PCDHGA6: variants seen among roughly 807,000 people sequenced by gnomAD.
PCDHGA6 encodes the protein protocadherin gamma subfamily A, 6.
Under a neutral mutation model 60.6 loss-of-function variants are expected in PCDHGA6, and 41 were observed. That is an observed-to-expected ratio of 0.68 (90% CI 0.53 to 0.88). PCDHGA6 has a LOEUF of 0.88. Among genes scored for constraint, PCDHGA6 ranks in the 40% least tolerant of loss-of-function variants. The probability of loss-of-function intolerance (pLI) is 0.00; values close to 1 mark genes in which losing one functional copy is unlikely to be tolerated. For missense variants in PCDHGA6, 1,312 were observed against 1,203.0 expected (o/e 1.09, Z -1.34); for synonymous variants, 594 against 524.4 (o/e 1.13, Z -1.81).
At chr5:141,388,953 G>A (rs1266765544) in intron 1 of PCDHGA6, 13 of 1,614,022 alleles carry the variant, frequency 8.1e-6, no homozygotes, top group Non-Finnish European at 1.1e-5. Context: ...AATTATGGAG[G>A]ACGCCGAGCT....
intron 1 of PCDHGA6, chr5:141,400,228 C>T: frequency 1.2e-6 from 2 of 1,614,030 alleles, no homozygotes; most frequent in African/African-American, 2.7e-5. Flanking sequence ...GCTCTTCCTC[C>T]TGGCCGTGAT....
chr5:141,446,757 G>A (rs769049265), intron 1 of PCDHGA6, among the ~76,000 whole-genome samples: 10 of 152,158 alleles, frequency 6.6e-5, no homozygotes, highest in African/African-American at 1.4e-4. Context: ...GTGAGCCACC[G>A]CGCCCAGCCG....
intron 2 of PCDHGA6, among the ~76,000 whole-genome samples, chr5:141,504,909 G>C (rs948719729): frequency 6.6e-6 from 1 of 152,002 alleles, no homozygotes; most frequent in Non-Finnish European, 1.5e-5. Context: ...ACTATGACAG[G>C]AAGCCAGGCT....
At chr5:141,455,860 ATTATTTATTTATTTATTTATTTAT>A (rs145569377) in intron 1 of PCDHGA6, among the ~76,000 whole-genome samples, 10 of 139,848 alleles carry the variant, frequency 7.2e-5, no homozygotes, top group Admixed American at 5.1e-4. Flanking sequence ...AATTTCTTTT[ATTATTTATTTATTTATTTATTTAT>A]TTATTTATTT....
chr5:141,383,872 C>T, intron 1 of PCDHGA6: 1 of 1,613,908 alleles, frequency 6.2e-7, no homozygotes, highest in Non-Finnish European at 8.5e-7. Flanking sequence ...TCAAGATGGT[C>T]CTGGTAGTCT....
chr5:141,412,839 G>A, intron 1 of PCDHGA6: 1 of 203,324 alleles, frequency 4.9e-6, no homozygotes, highest in Admixed American at 5.8e-5. Context: ...TTAAAGATAG[G>A]AGTGGAGAAA....
At chr5:141,461,689 A>G (rs2099020485) in intron 1 of PCDHGA6, among the ~76,000 whole-genome samples, 1 of 152,120 alleles carries the variant, frequency 6.6e-6, no homozygotes, top group Admixed American at 6.6e-5. Context: ...GTTTATTTTG[A>G]GACAGAGTTT....
Position 141,375,159 on chromosome 5 carries a change from G to A in PCDHGA6, c.1076G>A (p.Ser359Asn), listed in dbSNP as rs1771191060. 2.5e-6 allele frequency: 4 copies of A among 1,613,862 alleles called. No individual in the cohort carries two copies. The East Asian group carries it at 8.9e-5, about 36-fold the overall frequency. ...TCTGGAAGCAGAACAATTGCTGAAA[G>A]TGCACCTCCAGGAACAGTAATCGCC... ...VTSGSRTIAE[S>N]APPGTVIALF... The change falls in exon 1 of 4, where the codon AGT becomes AAT. Residue 359 changes from serine to asparagine, a missense_variant. Physicochemically the swap from Ser to Asn is conservative, Grantham distance 46. Coordinates refer to ENST00000517434, the MANE Select transcript of PCDHGA6 (RefSeq NM_018919.3).
At chr5:141,505,305 C>T (rs1363643214) in intron 2 of PCDHGA6, 88 bp from the exon 3 acceptor site, 2 of 1,595,104 alleles carry the variant, frequency 1.3e-6, no homozygotes, top group Admixed American at 1.7e-5. Flanking sequence ...GGTTAGGGTA[C>T]TAGGTTTGGG....
Position 141,477,858 on chromosome 5 carries a change from C to T in PCDHGA6, c.2425-16949C>T. 2 of 1,613,572 alleles carry T rather than the reference C, an allele frequency of 1.2e-6. No individual in the cohort carries two copies. Among genetic ancestry groups the T allele is most frequent in the Non-Finnish European group, 1.7e-6 (2 of 1,179,842 alleles). ...GGTGGGAGCTCGGTGGAGATGCTGC[C>T]TCGAGGTACCTCAGCTGGCCACCTA... On this transcript the variant is annotated intron_variant, in intron 1 of 3. Transcript: ENST00000517434. This position sits in a 1 kb window ranked among gnomAD's most constrained non-coding sequence, Gnocchi z 4.9.
At chr5:141,447,837 G>A (rs952923627) in intron 1 of PCDHGA6, among the ~76,000 whole-genome samples, 10 of 152,170 alleles carry the variant, frequency 6.6e-5, no homozygotes, top group African/African-American at 2.4e-4. Flanking sequence ...TGTAATCCCA[G>A]TGCTTTGGGA....
intron 1 of PCDHGA6, among the ~76,000 whole-genome samples, chr5:141,473,383 C>A (rs976400317): frequency 3.3e-5 from 5 of 152,200 alleles, no homozygotes; most frequent in African/African-American, 9.6e-5. Context: ...GGTCCCTGCC[C>A]TCCTGGAGCT....
intron 1 of PCDHGA6, chr5:141,409,119 C>A: frequency 6.2e-7 from 1 of 1,613,928 alleles, no homozygotes; most frequent in Non-Finnish European, 8.5e-7. Flanking sequence ...AATAACCAGT[C>A]ATTTGATTTT....
intron 2 of PCDHGA6, among the ~76,000 whole-genome samples, chr5:141,499,234 A>G (rs1294400331): frequency 6.6e-6 from 1 of 152,008 alleles, no homozygotes; most frequent in Non-Finnish European, 1.5e-5. Flanking sequence ...AGCTGTCCCC[A>G]GCCTCTGCAC....
intron 1 of PCDHGA6, chr5:141,409,824 C>A (rs1265260597): frequency 6.2e-7 from 1 of 1,610,742 alleles, no homozygotes; most frequent in Non-Finnish European, 8.5e-7. Flanking sequence ...GGCTCGCCCA[C>A]GCTCAGCGCC....
chr5:141,430,953 G>A (rs2097330054), intron 1 of PCDHGA6: 1 of 1,611,124 alleles, frequency 6.2e-7, no homozygotes, highest in African/African-American at 1.3e-5. Context: ...CGCGGAGTCC[G>A]CATCATCCCC....
intron 1 of PCDHGA6, among the ~76,000 whole-genome samples, chr5:141,437,076 A>G (rs1018228245): frequency 6.6e-6 from 1 of 152,236 alleles, no homozygotes; most frequent in African/African-American, 2.4e-5. Flanking sequence ...TTTGGGCCAT[A>G]TAAGAATTGA....
Position 141,491,963 on chromosome 5 carries a change from C to A in PCDHGA6, c.2425-2844C>A. ...CCCCCACCCCTACACTCAAAAAAGG[C>A]CGGGGCCTCCTTCGAGCTTCCGGTG... On this transcript the variant is annotated intron_variant, in intron 1 of 3. Coordinates refer to ENST00000517434, the MANE Select transcript of PCDHGA6 (RefSeq NM_018919.3). This position sits in a 1 kb window ranked among gnomAD's most constrained non-coding sequence, Gnocchi z 6.9. 2 of 944,828 alleles carry A rather than the reference C, an allele frequency of 2.1e-6. No homozygotes were observed. Among genetic ancestry groups the A allele is most frequent in the Non-Finnish European group, 3.0e-6 (2 of 670,874 alleles). 58.5% of individuals were successfully genotyped at this position (944,828 alleles called of 1,614,324 possible).
chr5:141,421,784 G>C, intron 1 of PCDHGA6: 1 of 1,613,874 alleles, frequency 6.2e-7, no homozygotes, highest in Non-Finnish European at 8.5e-7. Context: ...CTGCGGGGCA[G>C]AACGGATGGG....
Sources: allele counts gnomAD v4.1 joint callset (sites outside exome capture counted in the v4.1 genomes callset), GRCh38; gene constraint gnomAD v4.1.1; non-coding constraint Gnocchi (gnomAD v3.1); transcripts MANE v1.5; gene names NCBI Gene and HGNC (gene_info 2026-07-23, HGNC 2026-07-21).